Variants in STAM2 observed in about 807,000 individuals in gnomAD.
STAM2 encodes signal transducing adaptor molecule 2.
STAM2 carries 51 observed loss-of-function variants against 65.6 expected under a neutral mutation model. That is an observed-to-expected ratio of 0.78 (90% CI 0.62 to 0.98). STAM2 has a LOEUF of 0.98. Ranked by LOEUF, STAM2 falls within the 50% of genes least tolerant of loss-of-function variation. STAM2 has a pLI of 0.00. For synonymous variants in STAM2, 198 were observed against 208.4 expected, an observed-to-expected ratio of 0.95 and a Z score of 0.43; for missense variants, 584 against 617.8, an observed-to-expected ratio of 0.95 and a Z score of 0.58.
chr2:152,128,106 C>T (rs973255778), intron 11 of STAM2, among the ~76,000 whole-genome samples: 4 of 152,182 alleles, frequency 2.6e-5, no homozygotes, highest in African/African-American at 7.2e-5. Context: ...GCAGGTCAAA[C>T]TCTATTATCA....
intron 1 of STAM2, among the ~76,000 whole-genome samples, chr2:152,153,410 CA>C (rs1378344944): frequency 2.7e-5 from 4 of 149,704 alleles, no homozygotes; most frequent in African/African-American, 9.8e-5. Flanking sequence ...CAAAAGAAGC[CA>C]AAAAATGAAC....
In STAM2 at chr2:152,126,275, A is replaced by G; in HGVS notation, c.1130T>C (p.Leu377Pro). 6.2e-7 allele frequency: 1 copy of G among 1,611,548 alleles called. No individual in the cohort carries two copies. Among genetic ancestry groups the G allele is most frequent in the South Asian group, 1.1e-5 (1 of 90,724 alleles). Reference protein sequence around the residue: ...EAPVYSVYSKLHPPAHYPPAS... With the variant: ...EAPVYSVYSKPHPPAHYPPAS... ...AGGTGGGTAATGTGCTGGAGGGTGGAGCTTTGAATAGACTGAGTACACTGG... is the reference window on the plus strand; with the variant it reads ...AGGTGGGTAATGTGCTGGAGGGTGGGGCTTTGAATAGACTGAGTACACTGG... Residue 377 changes from leucine to proline, a missense_variant, in exon 12 of 14, where the codon CTC becomes CCC. Physicochemically the swap from Leu to Pro is moderately conservative, Grantham distance 98. Coordinates refer to ENST00000263904, the MANE Select transcript of STAM2 (RefSeq NM_005843.6).
chr2:152,131,472 T>G (rs1240692796), intron 11 of STAM2: 1 of 152,306 alleles, frequency 6.6e-6, no homozygotes, highest in Non-Finnish European at 1.5e-5. Context: ...CCCAGAAAAC[T>G]GTTACCTAAA....
chr2:152,120,428 T>G lies in STAM2; in HGVS notation c.*146A>C. On this transcript the variant is annotated 3_prime_UTR_variant, in exon 14 of 14. Coordinates refer to ENST00000263904, the MANE Select transcript of STAM2 (RefSeq NM_005843.6). ...AAAAAAAAAAAAACCTTTTATGGCC[T>G]TGTAGAATAAGAGAGGTTTTTGTGC... 1.7e-6 allele frequency: 1 copy of G among 602,872 alleles called. No homozygotes were observed. The highest frequency in any genetic ancestry group is 1.9e-5 in the African/African-American group (1 of 53,384). 37.3% of individuals were successfully genotyped at this position (602,872 alleles called of 1,614,324 possible). A position where few individuals can be genotyped will look rare whatever the true frequency, so the allele number is the denominator to read the frequency against.
intron 1 of STAM2, among the ~76,000 whole-genome samples, chr2:152,171,462 C>T (rs1162215588): frequency 6.6e-6 from 1 of 151,952 alleles, no homozygotes; most frequent in African/African-American, 2.4e-5. Context: ...CAAAGAGTGG[C>T]CTAGTTAAGT....
intron 12 of STAM2, 76 bp downstream of exon 12, chr2:152,126,150 C>T (rs570433635): frequency 5.7e-6 from 7 of 1,221,934 alleles, no homozygotes; most frequent in South Asian, 3.9e-5. Flanking sequence ...AATCTTAATA[C>T]TATGCTATAA....
intron 5 of STAM2, among the ~76,000 whole-genome samples, chr2:152,145,257 C>T (rs1579321893): frequency 6.6e-6 from 1 of 152,122 alleles, no homozygotes; most frequent in Non-Finnish European, 1.5e-5. Flanking sequence ...TTTGTAGAGA[C>T]AGGGTCTCAC....
chr2:152,126,219 T>G lies in STAM2; in HGVS notation c.1179+7A>C. ...ATTTAGAAAATGTTCTCAAAAAACA[T>G]GCTCACCTGCATTGGAACCCCAGAT... is the stretch of plus-strand genomic sequence containing the variant. On this transcript the variant is annotated splice_region_variant and intron_variant, in intron 12 of 13. Transcript: ENST00000263904. The G allele has an allele frequency of 6.4e-7, 1 of 1,562,384 alleles. No individual in the cohort carries two copies. Among genetic ancestry groups the G allele is most frequent in the Non-Finnish European group, 8.6e-7 (1 of 1,159,474 alleles).
rs6750749 is a variant in STAM2, at chr2:152,170,642, G to A, written c.40+4961C>T. ...TATTCATATAGTAGTATAGTATCAC[G>A]CAGCCATTAAAATTTATAACCTAGA... On this transcript the variant is annotated intron_variant, in intron 1 of 13. Transcript: ENST00000263904. Among the ~76,000 whole-genome samples the A allele has an allele frequency of 8.1e-3, 1,226 of 152,274 alleles. 6 individuals are homozygous for A. The highest frequency in any genetic ancestry group is 0.015 in the Non-Finnish European group (994 of 68,028).
intron 1 of STAM2, 26 bp from the exon 2 acceptor site, chr2:152,150,255 C>G (rs746239610): frequency 7.0e-7 from 1 of 1,422,342 alleles, no homozygotes; most frequent in Non-Finnish European, 9.9e-7. Flanking sequence ...GCATACACAA[C>G]AATGAGGACA....
intron 12 of STAM2, 105 bp downstream of exon 12, chr2:152,126,121 T>C: frequency 1.0e-6 from 1 of 987,356 alleles, no homozygotes; most frequent in Admixed American, 3.8e-5. Context: ...ATTTTATAAT[T>C]TTATTCACAG....
rs766918705 is a variant in STAM2 at position 152,120,644 on chromosome 2, A to G, written c.1508T>C (p.Phe503Ser). 1.2e-6 allele frequency: 2 copies of G among 1,614,128 alleles called. No homozygotes were observed. The highest frequency in any genetic ancestry group is 8.5e-7 in the Non-Finnish European group (1 of 1,180,010). Residue 503 changes from phenylalanine to serine, a missense_variant, in exon 14 of 14, where the codon TTT (phenylalanine) becomes TCT (serine). Coordinates refer to ENST00000263904, the MANE Select transcript of STAM2 (RefSeq NM_005843.6). The stretch of plus-strand genomic sequence containing the variant: ...TGGATGAGCTGGAACTGTCACCGGA[A>G]AGCCTGCCAGTTGAGGCAAATTGGA... ...TTSNLPQLAG[F>S]PVTVPAHPVA... is the part of the protein sequence containing the mutation.
rs1210763843 is a variant in STAM2 at position 152,117,190 on chromosome 2, T to C, written c.*3384A>G. On this transcript the variant is annotated 3_prime_UTR_variant, in exon 14 of 14. Transcript: ENST00000263904. Reference sequence around the variant, plus strand: ...ATTAGAATTCTTCTTCTGGGGAATTTTCTTTTTGAGACAGGATCTCATTCT... The same window carrying C: ...ATTAGAATTCTTCTTCTGGGGAATTCTCTTTTTGAGACAGGATCTCATTCT... 6.6e-6 allele frequency: 1 copy of C among 152,186 alleles called. No individual in the cohort carries two copies. Among genetic ancestry groups the C allele is most frequent in the African/African-American group, 2.4e-5 (1 of 41,440 alleles). 9.4% of individuals were successfully genotyped at this position (152,186 alleles called of 1,614,324 possible).
chr2:152,131,501 C>G (rs1228794545), intron 11 of STAM2: 1 of 152,422 alleles, frequency 6.6e-6, no homozygotes, highest in Non-Finnish European at 1.5e-5. Flanking sequence ...ACCAGGCTCC[C>G]CAGCCATCTT....
At chr2:152,159,553 T>C (rs1689620075) in intron 1 of STAM2, among the ~76,000 whole-genome samples, 1 of 152,234 alleles carries the variant, frequency 6.6e-6, no homozygotes, top group Non-Finnish European at 1.5e-5. Context: ...AAAATCATTA[T>C]ATAGAGCCTA....
intron 1 of STAM2, among the ~76,000 whole-genome samples, chr2:152,173,365 T>TATATATACATATATATATATGTATAC (rs1689934355): frequency 6.8e-6 from 1 of 147,214 alleles, no homozygotes; most frequent in African/African-American, 2.5e-5. Flanking sequence ...TATACACACA[T>TATATATACATATATATATATGTATAC]ATATATACAT....
chr2:152,147,259 G>T lies in STAM2; in HGVS notation c.350C>A (p.Ser117Ter). The stretch of plus-strand genomic sequence containing the variant: ...CTGAGGGTCCTTCTGAAATTCTTCT[G>T]ACCACTCCACCATTAAAGATTTCAG... ...EKLKSLMVEWSEEFQKDPQFS... is the reference protein window; with the variant it reads ...EKLKSLMVEW Residue 117 changes from serine (S) to a stop codon, truncating the protein, a stop_gained, in exon 5 of 14, where the codon TCA (serine) becomes TAA (stop). Transcript: ENST00000263904. LOFTEE classifies it high-confidence loss of function. The T allele has an allele frequency of 6.2e-7, 1 of 1,610,214 alleles. No homozygotes were observed. Among genetic ancestry groups the T allele is most frequent in the South Asian group, 1.1e-5 (1 of 90,378 alleles).
chr2:152,139,006 G>A (rs1689201515), intron 7 of STAM2, among the ~76,000 whole-genome samples: 1 of 152,120 alleles, frequency 6.6e-6, no homozygotes, highest in Non-Finnish European at 1.5e-5. Context: ...AAGCATAAAA[G>A]TAGGCAAAGC....
At chr2:152,156,010 T>G (rs775643782) in intron 1 of STAM2, among the ~76,000 whole-genome samples, 1 of 151,380 alleles carries the variant, frequency 6.6e-6, no homozygotes, top group Non-Finnish European at 1.5e-5. Flanking sequence ...GACACACACA[T>G]AATCACGTGA....
Sources: allele counts gnomAD v4.1 joint callset (sites outside exome capture counted in the v4.1 genomes callset), GRCh38; gene constraint gnomAD v4.1.1; transcripts MANE v1.5; gene names NCBI Gene and HGNC (gene_info 2026-07-23, HGNC 2026-07-21).